Variants in NR1H4 observed in about 807,000 individuals in gnomAD.
NR1H4 encodes the protein bile acid receptor.
A neutral mutation model predicts 58.5 loss-of-function variants in NR1H4; 23 were observed. The ratio of observed to expected loss-of-function variants is 0.39; its 90% CI spans 0.28 to 0.56. The LOEUF (loss-of-function observed/expected upper bound fraction) is 0.56, where lower values mean the gene tolerates loss of function less well. Among genes scored for constraint, NR1H4 ranks in the 20% least tolerant of loss-of-function variants. The pLI, the probability that NR1H4 is intolerant of heterozygous loss-of-function variation, is 0.58. For synonymous variants in NR1H4, 214 were observed against 198.0 expected (o/e 1.08, Z -0.68); for missense variants, 487 against 576.9 (o/e 0.84, Z 1.60).
intron 4 of NR1H4, among the ~76,000 whole-genome samples, chr12:100,531,964 A>AT (rs1954704133): frequency 6.6e-6 from 1 of 152,032 alleles, no homozygotes; most frequent in African/African-American, 2.4e-5. Flanking sequence ...CTCACTCCCT[A>AT]TCCTGACCTC....
intron 3 of NR1H4, among the ~76,000 whole-genome samples, chr12:100,501,372 C>CT (rs74769460): frequency 0.084 from 12,786 of 151,876 alleles, 1,317 homozygotes; most frequent in East Asian, 0.31. Context: ...ATGGTGACCC[C>CT]GATCAAGCAA....
intron 1 of NR1H4, among the ~76,000 whole-genome samples, chr12:100,480,503 C>T (rs1953355593): frequency 1.3e-5 from 2 of 152,156 alleles, no homozygotes; most frequent in South Asian, 4.1e-4. Flanking sequence ...CTGATTGTTT[C>T]ATGATTATAA....
intron 9 of NR1H4, among the ~76,000 whole-genome samples, chr12:100,557,467 G>A (rs571358794): frequency 4.6e-5 from 7 of 152,084 alleles, no homozygotes; most frequent in Non-Finnish European, 1.0e-4. Flanking sequence ...GAGATTTAGA[G>A]GCAAAAAACA....
chr12:100,532,396 C>A, intron 4 of NR1H4, 62 bp from the exon 5 acceptor site: 7 of 1,571,112 alleles, frequency 4.5e-6, no homozygotes, highest in Non-Finnish European at 6.1e-6. Context: ...TCAATCCAAA[C>A]CTGTTTTTTT....
chr12:100,530,594 G>A (rs1253371249), intron 4 of NR1H4, among the ~76,000 whole-genome samples: 1 of 152,140 alleles, frequency 6.6e-6, no homozygotes, highest in African/African-American at 2.4e-5. Flanking sequence ...TTATTTTGAG[G>A]GAATGAAGAG....
At chr12:100,551,823 A>G (rs1486652755) in intron 9 of NR1H4, among the ~76,000 whole-genome samples, 2 of 152,250 alleles carry the variant, frequency 1.3e-5, no homozygotes, top group African/African-American at 4.8e-5. Context: ...AGTCCCTGAT[A>G]TAAAATACAA....
intron 3 of NR1H4, among the ~76,000 whole-genome samples, chr12:100,503,999 C>T (rs751617469): frequency 5.3e-5 from 8 of 151,678 alleles, no homozygotes; most frequent in Admixed American, 3.3e-4. Flanking sequence ...GTTTCAGTTA[C>T]ATGTGTATAA....
intron 1 of NR1H4, among the ~76,000 whole-genome samples, chr12:100,475,546 G>C (rs958097825): frequency 6.6e-6 from 1 of 152,012 alleles, no homozygotes; most frequent in Non-Finnish European, 1.5e-5. Context: ...TTCAAGATTG[G>C]GCCAATTGCA....
intron 4 of NR1H4, among the ~76,000 whole-genome samples, chr12:100,522,908 G>T (rs910526809): frequency 6.6e-6 from 1 of 152,032 alleles, no homozygotes; most frequent in Non-Finnish European, 1.5e-5. Flanking sequence ...ATGGCTGAAT[G>T]GTATTCCATG....
At chr12:100,532,795 C>G (rs868484863) in intron 5 of NR1H4, among the ~76,000 whole-genome samples, 185 bp downstream of exon 5, 1 of 152,088 alleles carries the variant, frequency 6.6e-6, no homozygotes, top group Non-Finnish European at 1.5e-5. Flanking sequence ...TTTAGTCACC[C>G]GAAAGAAATG....
Position 100,563,350 on chromosome 12 carries a change from C to G in NR1H4, c.1292C>G (p.Pro431Arg), listed in dbSNP as rs201608073. 1.2e-6 allele frequency: 2 copies of G among 1,614,084 alleles called. No individual in the cohort carries two copies. The highest frequency in any genetic ancestry group is 1.7e-6 in the Non-Finnish European group (2 of 1,180,020). Residue 431 changes from proline (P) to arginine (R), a missense_variant, in exon 11 of 11, where the codon CCT becomes CGT. Transcript: ENST00000392986. ...TGTAAGATTCACCAGCCTGAAAATC[C>G]TCAACACTTTGCCTGTCTCCTGGGT... ...KLCKIHQPEN[P>R]QHFACLLGRL...
chr12:100,515,986 G>A (rs1678957441), intron 4 of NR1H4, among the ~76,000 whole-genome samples: 1 of 152,200 alleles, frequency 6.6e-6, no homozygotes, highest in Admixed American at 6.5e-5. Flanking sequence ...TGGGAAAGGG[G>A]CCCAAGAATC....
At chr12:100,487,152 A>G (rs141895175) in intron 1 of NR1H4, among the ~76,000 whole-genome samples, 1 of 152,312 alleles carries the variant, frequency 6.6e-6, no homozygotes, top group African/African-American at 2.4e-5. Flanking sequence ...CTAGTAAATT[A>G]GAAAAAATTG....
intron 8 of NR1H4, 57 bp from the exon 9 acceptor site, chr12:100,540,615 G>A: frequency 6.4e-7 from 1 of 1,554,490 alleles, no homozygotes; most frequent in Non-Finnish European, 8.9e-7. Context: ...TGGCAATGAT[G>A]GTGATCATGA....
chr12:100,552,527 T>C (rs1955225635), intron 9 of NR1H4, among the ~76,000 whole-genome samples: 2 of 152,188 alleles, frequency 1.3e-5, no homozygotes, highest in Non-Finnish European at 2.9e-5. Context: ...ACCTTCATCA[T>C]AAAGAACTAC....
At chr12:100,548,291 C>T (rs977795749) in intron 9 of NR1H4, among the ~76,000 whole-genome samples, 3 of 151,086 alleles carry the variant, frequency 2.0e-5, no homozygotes, top group Admixed American at 6.6e-5. Context: ...TGCTTGAACC[C>T]GGAAGGCGGA....
At chr12:100,550,106 A>G (rs1216827683) in intron 9 of NR1H4, among the ~76,000 whole-genome samples, 1 of 152,200 alleles carries the variant, frequency 6.6e-6, no homozygotes, top group East Asian at 1.9e-4. Flanking sequence ...ATACACAAAG[A>G]TAACTGTCTC....
chr12:100,527,709 A>ATTG (rs1342482282), intron 4 of NR1H4, among the ~76,000 whole-genome samples: 1 of 152,122 alleles, frequency 6.6e-6, no homozygotes, highest in East Asian at 1.9e-4. Context: ...ATGTGTTCTC[A>ATTG]TTGTTCAATT....
At chr12:100,500,426 G>T (rs1230461636) in intron 3 of NR1H4, among the ~76,000 whole-genome samples, 12 of 152,182 alleles carry the variant, frequency 7.9e-5, no homozygotes, top group Non-Finnish European at 7.4e-5. Context: ...CTGTGACGAA[G>T]GAAATGTTCT....
Sources: allele counts gnomAD v4.1 joint callset (sites outside exome capture counted in the v4.1 genomes callset), GRCh38; gene constraint gnomAD v4.1.1; transcripts MANE v1.5; gene names NCBI Gene and HGNC (gene_info 2026-07-23, HGNC 2026-07-21).